RANBP2: variants seen among roughly 807,000 people sequenced by gnomAD.
The protein encoded by RANBP2 is E3 SUMO-protein ligase RanBP2.
A neutral mutation model predicts 303.6 loss-of-function variants in RANBP2; 57 were observed. That is an observed-to-expected ratio of 0.19 (90% confidence interval 0.15 to 0.23). RANBP2 has a LOEUF of 0.23. RANBP2 is among the 10% of genes least tolerant of loss of function. The probability of loss-of-function intolerance (pLI) is 1.00; values close to 1 mark genes in which losing one functional copy is unlikely to be tolerated. For missense variants in RANBP2, 3,138 were observed against 3,780.8 expected (o/e 0.83, Z 4.46); for synonymous variants, 1,167 against 1,301.5 (o/e 0.90, Z 2.23).
At chr2:109,473,673 AAGC>A in the RANBP2 span, among the ~76,000 whole-genome samples, 1 of 152,008 alleles carries the variant, frequency 6.6e-6, no homozygotes, top group Non-Finnish European at 1.5e-5. Flanking sequence ...TGGAGGGAGG[AAGC>A]AGCGTGCCAT....
At chr2:109,186,538 A>G in the RANBP2 span, among the ~76,000 whole-genome samples, 4 of 152,250 alleles carry the variant, frequency 2.6e-5, no homozygotes, top group African/African-American at 4.8e-5. Context: ...TAGAAAGTCA[A>G]TTCTGTTTTT....
the RANBP2 span, among the ~76,000 whole-genome samples, chr2:108,829,997 TAAAA>T: frequency 6.7e-5 from 10 of 149,668 alleles, no homozygotes; most frequent in Non-Finnish European, 1.3e-4. Flanking sequence ...TTATATATAA[TAAAA>T]AGAAGGTGGA....
At chr2:109,197,119 G>C in the RANBP2 span, among the ~76,000 whole-genome samples, 1 of 152,334 alleles carries the variant, frequency 6.6e-6, no homozygotes, top group Admixed American at 6.5e-5. Flanking sequence ...AGAGGCAGAG[G>C]TTGGGTTTGA....
At chr2:109,514,116 C>T in the RANBP2 span, among the ~76,000 whole-genome samples, 1 of 152,182 alleles carries the variant, frequency 6.6e-6, no homozygotes, top group Non-Finnish European at 1.5e-5. Flanking sequence ...TATGTTGCTC[C>T]ATCAAGTGCT....
intron 7 of RANBP2, 149 bp from the exon 8 acceptor site, chr2:108,746,562 C>T: frequency 1.8e-6 from 1 of 543,458 alleles, no homozygotes; most frequent in Non-Finnish European, 3.4e-6. Flanking sequence ...TCCTTGGTTC[C>T]CAGTTTTTGC....
At chr2:109,049,072 C>T in the RANBP2 span, among the ~76,000 whole-genome samples, 4 of 152,220 alleles carry the variant, frequency 2.6e-5, no homozygotes, top group South Asian at 2.1e-4. Context: ...TTGAAGTATC[C>T]GGAAGGCAAG....
the RANBP2 span, among the ~76,000 whole-genome samples, chr2:109,706,591 CAT>C: frequency 6.6e-6 from 1 of 152,222 alleles, no homozygotes; most frequent in African/African-American, 2.4e-5. Flanking sequence ...TCTGATAGCC[CAT>C]ATAATTCTGT....
chr2:109,767,196 T>A, the RANBP2 span, among the ~76,000 whole-genome samples: 1 of 142,214 alleles, frequency 7.0e-6, no homozygotes, highest in South Asian at 2.4e-4. Flanking sequence ...AAATGTCTCT[T>A]TTTCATAAAC....
chr2:109,223,455 C>T, the RANBP2 span, among the ~76,000 whole-genome samples: 46 of 152,350 alleles, frequency 3.0e-4, no homozygotes, highest in African/African-American at 1.0e-3. Context: ...CAGGCATTGT[C>T]CCCCTTTGGG....
intron 9 of RANBP2, among the ~76,000 whole-genome samples, chr2:108,750,672 C>A (rs978502752): frequency 6.6e-6 from 1 of 151,880 alleles, no homozygotes; most frequent in Non-Finnish European, 1.5e-5. Context: ...ACTGCAACTT[C>A]CGCCTGCCAG....
At chr2:109,407,472 GGACA>G in the RANBP2 span, among the ~76,000 whole-genome samples, 1 of 152,056 alleles carries the variant, frequency 6.6e-6, no homozygotes, top group African/African-American at 2.4e-5. Flanking sequence ...CTCTGCCACA[GGACA>G]GACAGACAGA....
the RANBP2 span, among the ~76,000 whole-genome samples, chr2:109,434,699 C>T: frequency 4.6e-5 from 7 of 152,212 alleles, no homozygotes; most frequent in Non-Finnish European, 7.3e-5. Flanking sequence ...GCTCTGCCCA[C>T]GGTGTCATCC....
At chr2:109,475,174 T>G in the RANBP2 span, among the ~76,000 whole-genome samples, 1 of 152,144 alleles carries the variant, frequency 6.6e-6, no homozygotes, top group Admixed American at 6.5e-5. Flanking sequence ...AGACTTGGTT[T>G]CACCATGTTG....
the RANBP2 span, chr2:109,618,302 G>A: frequency 6.0e-6 from 1 of 166,624 alleles, no homozygotes; most frequent in African/African-American, 2.4e-5. Flanking sequence ...TAAAGCTGAA[G>A]TAACTCTAAA....
chr2:109,108,955 T>C, the RANBP2 span, among the ~76,000 whole-genome samples: 3 of 152,252 alleles, frequency 2.0e-5, no homozygotes, highest in African/African-American at 7.2e-5. Context: ...GGGATGTGAT[T>C]GGACAATTCA....
the RANBP2 span, among the ~76,000 whole-genome samples, chr2:109,461,332 G>C: frequency 6.6e-6 from 1 of 152,234 alleles, no homozygotes; most frequent in Non-Finnish European, 1.5e-5. Context: ...CTCAGAAAGA[G>C]AGCAGTTGTC....
At chr2:109,225,823 A>G in the RANBP2 span, among the ~76,000 whole-genome samples, 1 of 152,202 alleles carries the variant, frequency 6.6e-6, no homozygotes, top group East Asian at 1.9e-4. Context: ...TGCACTGCAG[A>G]AGTGCGATCC....
At chr2:108,936,977 T>C in the RANBP2 span, among the ~76,000 whole-genome samples, 1 of 152,236 alleles carries the variant, frequency 6.6e-6, no homozygotes, top group Non-Finnish European at 1.5e-5. Context: ...TAGCCGGTCC[T>C]GTTCCCAGCC....
At chr2:109,126,077 C>A in the RANBP2 span, among the ~76,000 whole-genome samples, 4 of 152,358 alleles carry the variant, frequency 2.6e-5, no homozygotes, top group South Asian at 6.2e-4. Flanking sequence ...TCCCCCAGGG[C>A]TGGAGCTGGG....
Sources: gnomAD v4.1 joint callset for allele counts (sites outside exome capture counted in the v4.1 genomes callset) on GRCh38, gnomAD v4.1.1 for gene constraint, MANE v1.5 for transcripts, NCBI Gene and HGNC (gene_info 2026-07-23, HGNC 2026-07-21) for gene names.